Variants in ANKS1B observed in about 807,000 individuals in gnomAD.
ANKS1B encodes the protein ankyrin repeat and sterile alpha motif domain-containing protein 1B.
In ANKS1B, 36 loss-of-function variants were observed where a neutral mutation model predicts 148.3. The ratio of observed to expected loss-of-function variants is 0.24; its 90% CI spans 0.19 to 0.32. ANKS1B has a LOEUF of 0.32. Ranked by LOEUF, ANKS1B falls within the 10% of genes least tolerant of loss-of-function variation. ANKS1B has a pLI of 1.00. For missense variants in ANKS1B, 1,157 were observed against 1,542.6 expected, an observed-to-expected ratio of 0.75 and a Z score of 4.19; for synonymous variants, 542 against 560.8, an observed-to-expected ratio of 0.97 and a Z score of 0.47.
intron 6 of ANKS1B, among the ~76,000 whole-genome samples, chr12:99,777,591 T>C (rs957716007): frequency 1.4e-4 from 21 of 152,202 alleles, no homozygotes; most frequent in Admixed American, 1.1e-3. Context: ...GTTTGTTTTG[T>C]TTGGTTTGTT....
At chr12:99,642,565 C>T (rs66538537) in intron 9 of ANKS1B, among the ~76,000 whole-genome samples, 65,846 of 151,926 alleles carry the variant, frequency 0.43, 14,859 homozygotes, top group Admixed American at 0.51. Context: ...TCTGTAATTC[C>T]AGCACTTTGG....
At chr12:98,996,061 T>C (rs1044588453) in intron 17 of ANKS1B, among the ~76,000 whole-genome samples, 1 of 151,998 alleles carries the variant, frequency 6.6e-6, no homozygotes, top group Non-Finnish European at 1.5e-5. Flanking sequence ...GCTGGAATAG[T>C]TCCTGTCCCC....
At chr12:98,834,052 C>G (rs2099347884) in intron 17 of ANKS1B, among the ~76,000 whole-genome samples, 4 of 152,174 alleles carry the variant, frequency 2.6e-5, no homozygotes, top group African/African-American at 9.7e-5. Flanking sequence ...CGCCCTATTC[C>G]TTTGACAGCC....
intron 1 of ANKS1B, among the ~76,000 whole-genome samples, chr12:99,918,223 G>C (rs2094232136): frequency 6.6e-6 from 1 of 152,170 alleles, no homozygotes; most frequent in Admixed American, 6.5e-5. Context: ...CTTAGCATGG[G>C]TGTGGGAACT....
intron 25 of ANKS1B, among the ~76,000 whole-genome samples, chr12:98,754,868 T>C (rs1257190726): frequency 6.6e-6 from 1 of 152,250 alleles, no homozygotes; most frequent in African/African-American, 2.4e-5. Context: ...TTGGATTAAG[T>C]TTTCCTGCCT....
intron 17 of ANKS1B, among the ~76,000 whole-genome samples, chr12:98,873,090 C>A (rs1175910634): frequency 6.6e-6 from 1 of 152,178 alleles, no homozygotes; most frequent in East Asian, 1.9e-4. Flanking sequence ...TCTTCTAGAC[C>A]TACAGTTGGG....
intron 7 of ANKS1B, among the ~76,000 whole-genome samples, chr12:99,774,715 G>T (rs987575056): frequency 6.6e-6 from 1 of 152,056 alleles, no homozygotes; most frequent in Non-Finnish European, 1.5e-5. Flanking sequence ...GAACAGCCAA[G>T]ACATGAAAAC....
chr12:99,300,849 A>C (rs1566841968), intron 12 of ANKS1B, among the ~76,000 whole-genome samples: 3 of 152,164 alleles, frequency 2.0e-5, no homozygotes, highest in Non-Finnish European at 2.9e-5. Context: ...AAAAATTTAA[A>C]AGTGCTATTT....
chr12:98,743,107 A>G (rs1395601029), downstream of ANKS1B, among the ~76,000 whole-genome samples: 2 of 152,192 alleles, frequency 1.3e-5, no homozygotes, highest in Admixed American at 1.3e-4. Context: ...TCTTTTCAGA[A>G]GTAATTAGGA....
intron 9 of ANKS1B, among the ~76,000 whole-genome samples, chr12:98,737,260 C>G (rs2097778152): frequency 6.6e-6 from 1 of 152,202 alleles, no homozygotes; most frequent in African/African-American, 2.4e-5. Flanking sequence ...GTTTACACTT[C>G]TGTTTAAACC....
intron 9 of ANKS1B, among the ~76,000 whole-genome samples, chr12:99,622,985 T>C (rs956734828): frequency 5.9e-5 from 9 of 151,892 alleles, no homozygotes; most frequent in Admixed American, 2.0e-4. Flanking sequence ...TTGCCAAACA[T>C]AGATGTAAAA....
intron 8 of ANKS1B, among the ~76,000 whole-genome samples, chr12:99,747,912 T>C (rs1162053487): frequency 6.6e-6 from 1 of 152,140 alleles, no homozygotes; most frequent in East Asian, 1.9e-4. Context: ...TGAGTACACC[T>C]AAAATCTGAA....
At chr12:99,343,444 C>A (rs760293095) in intron 12 of ANKS1B, among the ~76,000 whole-genome samples, 44 of 152,020 alleles carry the variant, frequency 2.9e-4, no homozygotes, top group Non-Finnish European at 3.2e-4. Flanking sequence ...CCTTCTCTCC[C>A]AGGTCAATGG....
chr12:99,721,476 T>C (rs1254749535), intron 8 of ANKS1B, among the ~76,000 whole-genome samples: 3 of 152,170 alleles, frequency 2.0e-5, no homozygotes, highest in Non-Finnish European at 4.4e-5. Flanking sequence ...GACATTGTCT[T>C]GTGAAATTCC....
At chr12:99,142,413 T>G (rs1296127728) in intron 15 of ANKS1B, among the ~76,000 whole-genome samples, 1 of 152,020 alleles carries the variant, frequency 6.6e-6, no homozygotes, top group Non-Finnish European at 1.5e-5. Flanking sequence ...GTGTAGGCAT[T>G]ATTTTGGGAG....
In ANKS1B at chr12:99,002,488, C is replaced by CTTT. The variant is rs140934941; in HGVS notation, c.2778+50668_2778+50669insAAA. On this transcript the variant is annotated intron_variant, in intron 17 of 26. Coordinates refer to ENST00000683438, the MANE Select transcript of ANKS1B (RefSeq NM_001352186.2). The stretch of plus-strand genomic sequence containing the variant: ...TAGCCGACACTTCATGTACTTATCT[C>CTTT]TCTTTTTTTTTTTGTGATGAGAACA... 4.6e-4 allele frequency among the ~76,000 whole-genome samples: 68 copies of CTTT among 147,534 alleles called. No individual in the cohort carries two copies. In the South Asian group the frequency reaches 5.5e-3, roughly 12 times the overall value.
In ANKS1B at chr12:98,735,535, T is replaced by A. The variant is rs555498615; in HGVS notation, c.*25A>T. 40 of 740,122 alleles carry A rather than the reference T, an allele frequency of 5.4e-5. No homozygotes were observed. The African/African-American group carries it at 5.9e-4, about 11-fold the overall frequency. The allele number at this position is 740,122 out of a possible 1,614,324, so 45.8% of individuals were successfully genotyped here. On this transcript the variant is annotated 3_prime_UTR_variant, in exon 10 of 10. Coordinates refer to the ANKS1B transcript ENST00000341752. ...CATCAACCTTTCTATTTAGGCTTTA[T>A]CAGCTATATGTAAATTCAATTCTAT...
intron 25 of ANKS1B, among the ~76,000 whole-genome samples, chr12:98,753,619 G>T (rs974671581): frequency 1.3e-5 from 2 of 152,060 alleles, no homozygotes; most frequent in Admixed American, 6.6e-5. Context: ...TAGAGATGGG[G>T]TTTCTCCATG....
At chr12:99,858,679 C>A (rs745776932) in intron 1 of ANKS1B, among the ~76,000 whole-genome samples, 1 of 152,050 alleles carries the variant, frequency 6.6e-6, no homozygotes, top group Admixed American at 6.6e-5. Context: ...ATATATACCA[C>A]GGAATACTAC....
Sources: gnomAD v4.1 joint callset for allele counts (sites outside exome capture counted in the v4.1 genomes callset) on GRCh38, gnomAD v4.1.1 for gene constraint, MANE v1.5 for transcripts, NCBI Gene and HGNC (gene_info 2026-07-23, HGNC 2026-07-21) for gene names.